RELN: variants seen among roughly 807,000 people sequenced by gnomAD.
The protein encoded by RELN is reelin.
In RELN, 108 loss-of-function variants were observed where a neutral mutation model predicts 427.6. That is an observed-to-expected ratio of 0.25 (90% CI 0.22 to 0.30). The LOEUF is 0.30. Among genes scored for constraint, RELN ranks in the 10% least tolerant of loss-of-function variants. The probability of loss-of-function intolerance (pLI) is 1.00; values close to 1 mark genes in which losing one functional copy is unlikely to be tolerated. For synonymous variants in RELN, 1,524 were observed against 1,513.4 expected (o/e 1.01, Z -0.16); for missense variants, 3,715 against 4,302.8 (o/e 0.86, Z 3.82).
intron 7 of RELN, 146 bp from the exon 8 acceptor site, chr7:103,723,337 T>A (rs953715605): frequency 1.4e-5 from 9 of 660,324 alleles, no homozygotes; most frequent in Middle Eastern, 3.2e-4. Context: ...CAGTTGTTAG[T>A]TCATTTTATC....
intron 2 of RELN, among the ~76,000 whole-genome samples, chr7:103,837,418 A>G (rs567923005): frequency 6.6e-6 from 1 of 152,308 alleles, no homozygotes; most frequent in South Asian, 2.1e-4. Context: ...ACTCTCAAGC[A>G]CTAGTGGCTG....
At chr7:103,686,627 G>T (rs1008580617) in intron 10 of RELN, among the ~76,000 whole-genome samples, 1 of 152,002 alleles carries the variant, frequency 6.6e-6, no homozygotes, top group Non-Finnish European at 1.5e-5. Context: ...AAAATATATT[G>T]GTATAGGAAT....
In RELN at chr7:103,958,292, T is replaced by A. The variant is rs117163132; in HGVS notation, c.226+30839A>T. On this transcript the variant is annotated intron_variant, in intron 1 of 64. Coordinates refer to ENST00000428762, the MANE Select transcript of RELN (RefSeq NM_005045.4). ...GCCATCGTTCTGAAACTCAATCTCA[T>A]GTAAGTTTGGCACATGGGTTCCTAT... Among the ~76,000 whole-genome samples, 290 of 152,310 alleles carry A rather than the reference T, an allele frequency of 1.9e-3. 2 individuals carry two copies. The highest frequency in any genetic ancestry group is 3.4e-3 in the Middle Eastern group (1 of 294).
intron 1 of RELN, among the ~76,000 whole-genome samples, chr7:103,979,023 T>C (rs978727184): frequency 6.6e-6 from 1 of 152,120 alleles, no homozygotes; most frequent in Non-Finnish European, 1.5e-5. Context: ...ATGTGGAACA[T>C]CTCTACACTT....
In RELN at chr7:103,934,019, G is replaced by A. The variant is rs73715914; in HGVS notation, c.227-16834C>T. Among the ~76,000 whole-genome samples the A allele has an allele frequency of 5.6e-3, 859 of 152,166 alleles. 8 individuals are homozygous for A. Among genetic ancestry groups the A allele is most frequent in the African/African-American group, 0.02 (814 of 41,506 alleles). ...TGATGAGAAACAGCCAAAAATCTTC[G>A]GTTCTTGTTCTTTAAGTGTTCTCAA... On this transcript the variant is annotated intron_variant, in intron 1 of 64. Coordinates refer to ENST00000428762, the MANE Select transcript of RELN (RefSeq NM_005045.4).
intron 4 of RELN, among the ~76,000 whole-genome samples, chr7:103,767,593 A>G (rs1791457424): frequency 6.6e-6 from 1 of 152,184 alleles, no homozygotes; most frequent in Non-Finnish European, 1.5e-5. Context: ...TTAGGTCTGC[A>G]GCTCTTTTTA....
intron 6 of RELN, among the ~76,000 whole-genome samples, chr7:103,728,469 C>T (rs913640849): frequency 9.9e-5 from 15 of 152,002 alleles, no homozygotes; most frequent in East Asian, 5.8e-4. Context: ...ACCTGTAAAA[C>T]GAGGCTAACC....
chr7:103,589,960 T>C, intron 27 of RELN, 132 bp from the exon 28 acceptor site: 1 of 703,656 alleles, frequency 1.4e-6, no homozygotes, highest in Non-Finnish European at 2.6e-6. Context: ...AATTGTGAGC[T>C]CAGTCCCAAC....
chr7:103,796,032 GAC>G (rs1471591356), intron 3 of RELN, among the ~76,000 whole-genome samples: 3 of 152,170 alleles, frequency 2.0e-5, no homozygotes, highest in Non-Finnish European at 2.9e-5. Context: ...TCTCTCATCT[GAC>G]ACAGTGCCAA....
chr7:103,596,545 C>T lies in RELN; in HGVS notation c.3450G>A (p.Glu1150=). 1.2e-6 allele frequency: 2 copies of T among 1,614,052 alleles called. No individual in the cohort carries two copies. The highest frequency in any genetic ancestry group is 2.2e-5 in the East Asian group (1 of 44,882). The change falls in exon 25 of 65, where the codon GAG becomes GAA. Residue 1150 remains glutamate, a synonymous_variant. Coordinates refer to ENST00000428762, the MANE Select transcript of RELN (RefSeq NM_005045.4). Reference sequence around the variant, plus strand: ...TGCTGTACTGAAGGAGGACGCCCTCCTCTCTGCTGTCAGGCTTGTTGCATG... The same window carrying T: ...TGCTGTACTGAAGGAGGACGCCCTCTTCTCTGCTGTCAGGCTTGTTGCATG... ...SASCNKPDSR[E]EGVLLQYSNN... is the part of the protein sequence containing the mutation.
Position 103,989,111 on chromosome 7 carries a change from G to C in RELN, c.226+20C>G. 1 of 1,608,364 alleles carries C rather than the reference G, an allele frequency of 6.2e-7. No individual in the cohort carries two copies. The highest frequency in any genetic ancestry group is 1.1e-5 in the South Asian group (1 of 90,944). On this transcript the variant is annotated intron_variant, in intron 1 of 64. Transcript: ENST00000428762. This position sits in a 1 kb window ranked among gnomAD's most constrained non-coding sequence, Gnocchi z 4.9. ...GGGCGCACCCGGCGGCGGCGAGCGC[G>C]GAGGTGCTGCGGTACCTACCATGGT... is the stretch of plus-strand genomic sequence containing the variant.
chr7:103,898,087 G>C (rs1408733668), intron 2 of RELN, among the ~76,000 whole-genome samples: 1 of 152,056 alleles, frequency 6.6e-6, no homozygotes, highest in East Asian at 1.9e-4. Context: ...TTCTTAAGTA[G>C]GTGAGTGTGG....
intron 49 of RELN, among the ~76,000 whole-genome samples, chr7:103,517,405 G>A (rs542224835): frequency 1.2e-4 from 19 of 152,068 alleles, no homozygotes; most frequent in Non-Finnish European, 2.1e-4. Context: ...CTCTGGAATG[G>A]AAATTTACCT....
chr7:103,793,984 C>T (rs1460896721), intron 3 of RELN, among the ~76,000 whole-genome samples: 4 of 152,128 alleles, frequency 2.6e-5, no homozygotes, highest in African/African-American at 9.7e-5. Context: ...CCAGGCTGGT[C>T]TTGAGCTCCT....
At chr7:103,751,427 G>A (rs507226) in intron 5 of RELN, among the ~76,000 whole-genome samples, 73,769 of 152,060 alleles carry the variant, frequency 0.49, 18,012 homozygotes, top group Non-Finnish European at 0.52. Flanking sequence ...AGGCAAGCAC[G>A]TAATGAAGTC....
chr7:103,722,322 G>A (rs551206185), intron 8 of RELN, among the ~76,000 whole-genome samples: 12 of 152,200 alleles, frequency 7.9e-5, no homozygotes, highest in Admixed American at 1.3e-4. Flanking sequence ...TTTTGCTAAC[G>A]GCAGACCTTC....
chr7:103,924,636 C>A (rs1311822944), intron 1 of RELN, among the ~76,000 whole-genome samples: 4 of 152,116 alleles, frequency 2.6e-5, no homozygotes, highest in South Asian at 2.1e-4. Flanking sequence ...AGGGGTACAG[C>A]ATCTCTGTGG....
chr7:103,889,556 G>T (rs1794799588), intron 2 of RELN, among the ~76,000 whole-genome samples: 1 of 152,132 alleles, frequency 6.6e-6, no homozygotes, highest in Admixed American at 6.5e-5. Flanking sequence ...AGTCACCGTT[G>T]ATACAAACGG....
intron 56 of RELN, 145 bp downstream of exon 56, chr7:103,496,381 C>A: frequency 8.8e-7 from 1 of 1,139,264 alleles, no homozygotes; most frequent in Non-Finnish European, 1.3e-6. Flanking sequence ...TTATAAACCA[C>A]TGGGCAAAAT....
Sources: gnomAD v4.1 joint callset for allele counts (sites outside exome capture counted in the v4.1 genomes callset) on GRCh38, gnomAD v4.1.1 for gene constraint, Gnocchi (gnomAD v3.1) non-coding constraint, MANE v1.5 for transcripts, NCBI Gene and HGNC (gene_info 2026-07-23, HGNC 2026-07-21) for gene names.